Variants in RP1 observed in about 807,000 individuals in gnomAD.
RP1 encodes the protein RP1 axonemal microtubule associated, also known as oxygen-regulated protein 1.
RP1 carries 16 observed loss-of-function variants against 14.8 expected under a neutral mutation model. The observed-to-expected ratio is 1.08, with a 90% CI of 0.73 to 1.65. The LOEUF is 1.65. Ranked by LOEUF, RP1 falls within the 40% of genes most tolerant of loss-of-function variation. The pLI, the probability that RP1 is intolerant of heterozygous loss-of-function variation, is 0.00. For missense variants in RP1, 2,631 were observed against 2,535.0 expected (o/e 1.04, Z -0.81); for synonymous variants, 876 against 883.6 (o/e 0.99, Z 0.15).
intron 25 of RP1, among the ~76,000 whole-genome samples, chr8:54,848,586 G>C (rs924551073): frequency 2.0e-5 from 3 of 152,142 alleles, no homozygotes; most frequent in African/African-American, 7.2e-5. Flanking sequence ...TGTAACATCT[G>C]TATAGTACAA....
chr8:54,816,247 AG>A (rs1341101722), intron 24 of RP1, among the ~76,000 whole-genome samples: 5 of 152,228 alleles, frequency 3.3e-5, no homozygotes, highest in Non-Finnish European at 5.9e-5. Context: ...AAATGCATAA[AG>A]GGGCAAAATT....
intron 5 of RP1, among the ~76,000 whole-genome samples, chr8:54,654,747 A>G (rs1013118096): frequency 6.6e-6 from 1 of 152,164 alleles, no homozygotes; most frequent in Admixed American, 6.5e-5. Context: ...TCCCAGGCTC[A>G]AGCGATCCTC....
downstream of RP1, among the ~76,000 whole-genome samples, chr8:54,770,447 CT>C (rs531040663): frequency 2.3e-3 from 354 of 150,964 alleles, 1 homozygote; most frequent in African/African-American, 7.4e-3. Flanking sequence ...ATATTAACTT[CT>C]TTTTTTTCTT....
At chr8:54,812,746 C>G (rs1037709336) in intron 24 of RP1, among the ~76,000 whole-genome samples, 1 of 150,164 alleles carries the variant, frequency 6.7e-6, no homozygotes, top group Non-Finnish European at 1.5e-5. Context: ...ATCTATGTAT[C>G]CATGTATCTA....
intron 3 of RP1, among the ~76,000 whole-genome samples, chr8:54,640,489 G>T (rs972525740): frequency 3.3e-5 from 5 of 152,140 alleles, no homozygotes; most frequent in African/African-American, 1.2e-4. Flanking sequence ...CCAGCAGCTG[G>T]AGAGTAAAGC....
At chr8:54,570,420 C>T (rs1804495666) in intron 1 of RP1, among the ~76,000 whole-genome samples, 3 of 149,210 alleles carry the variant, frequency 2.0e-5, no homozygotes, top group African/African-American at 7.4e-5. Flanking sequence ...CCTCCACCTT[C>T]TGGGTTGTAG....
At chr8:54,870,862 A>G in exon 29 of RP1, 1 of 152,108 alleles carries the variant, frequency 6.6e-6, no homozygotes, top group East Asian at 1.9e-4. Flanking sequence ...GCCCAAGCTT[A>G]GAGAGTGGAA....
intron 23 of RP1, among the ~76,000 whole-genome samples, chr8:54,775,845 C>T (rs550864071): frequency 6.6e-6 from 1 of 152,304 alleles, no homozygotes; most frequent in African/African-American, 2.4e-5. Flanking sequence ...ATGAATTTCT[C>T]TCCTAATGAC....
At chr8:54,800,070 C>T (rs2129388534) in intron 24 of RP1, among the ~76,000 whole-genome samples, 1 of 151,810 alleles carries the variant, frequency 6.6e-6, no homozygotes, top group African/African-American at 2.4e-5. Flanking sequence ...ATGAGAAGGT[C>T]TTTATTTATT....
chr8:54,578,493 C>CCA (rs1455759142), intron 1 of RP1, among the ~76,000 whole-genome samples: 1 of 152,170 alleles, frequency 6.6e-6, no homozygotes, highest in Non-Finnish European at 1.5e-5. Flanking sequence ...TAGGTGTGAG[C>CCA]CACTGCACCT....
chr8:54,585,826 G>A (rs369435609), intron 1 of RP1, among the ~76,000 whole-genome samples: 9 of 152,206 alleles, frequency 5.9e-5, no homozygotes, highest in East Asian at 5.8e-4. Context: ...CGTAGTTCTC[G>A]TGCCGTGGTT....
At chr8:54,803,143 A>G (rs1262364806) in intron 24 of RP1, among the ~76,000 whole-genome samples, 1 of 152,160 alleles carries the variant, frequency 6.6e-6, no homozygotes, top group Non-Finnish European at 1.5e-5. Flanking sequence ...TATTATTTCT[A>G]AAATCTCATT....
chr8:54,630,937 T>G, downstream of RP1: 1 of 595,554 alleles, frequency 1.7e-6, no homozygotes, highest in East Asian at 1.4e-4. Context: ...GACTATCAAG[T>G]ATCAATTGGT....
At chr8:54,731,605 G>A (rs1223564360) in intron 17 of RP1, among the ~76,000 whole-genome samples, 2 of 151,974 alleles carry the variant, frequency 1.3e-5, no homozygotes, top group Non-Finnish European at 1.5e-5. Flanking sequence ...ATCATATTTA[G>A]CCATCAATTT....
chr8:54,628,560 G>C lies in RP1; in HGVS notation c.4678G>C (p.Val1560Leu). Residue 1560 changes from valine (V) to leucine (L), a missense_variant, in exon 4 of 4, where the codon GTA becomes CTA. By Grantham distance (32) the Val-to-Leu change is conservative. Coordinates refer to ENST00000220676, the MANE Select transcript of RP1 (RefSeq NM_006269.2). ...KETNEGETKM[V>L]KMMVKTMETG... is the part of the protein sequence containing the mutation. ...GACCAATGAAGGAGAAACTAAGATG[G>C]TAAAAATGATGGTGAAAACTATGGA... 6.2e-7 allele frequency: 1 copy of C among 1,613,910 alleles called. No homozygotes were observed. Among genetic ancestry groups the C allele is most frequent in the Non-Finnish European group, 8.5e-7 (1 of 1,179,876 alleles).
At chr8:54,689,771 CTT>C (rs971884693) in intron 12 of RP1, among the ~76,000 whole-genome samples, 1 of 152,010 alleles carries the variant, frequency 6.6e-6, no homozygotes, top group Admixed American at 6.6e-5. Context: ...ACTCTACCCA[CTT>C]TTGTTTGTGA....
chr8:54,826,152 ACT>A (rs1811382927), intron 24 of RP1, among the ~76,000 whole-genome samples: 1 of 152,204 alleles, frequency 6.6e-6, no homozygotes, highest in African/African-American at 2.4e-5. Context: ...CTGACAATTG[ACT>A]CAGGTTTAAA....
At chr8:54,859,133 G>A (rs947153726) in intron 27 of RP1, among the ~76,000 whole-genome samples, 2 of 152,028 alleles carry the variant, frequency 1.3e-5, no homozygotes, top group African/African-American at 4.8e-5. Flanking sequence ...TCACTGCAGA[G>A]CAGTGTCACT....
chr8:54,651,764 T>G (rs552371975), intron 4 of RP1, among the ~76,000 whole-genome samples: 47 of 152,286 alleles, frequency 3.1e-4, no homozygotes, highest in African/African-American at 1.1e-3. Flanking sequence ...CTCTTTCTTC[T>G]ACTAGCTTAG....
Sources: allele counts gnomAD v4.1 joint callset (sites outside exome capture counted in the v4.1 genomes callset), GRCh38; gene constraint gnomAD v4.1.1; transcripts MANE v1.5; gene names NCBI Gene and HGNC (gene_info 2026-07-23, HGNC 2026-07-21).